Variants in GNL3 observed in about 807,000 individuals in gnomAD.
GNL3 encodes the protein guanine nucleotide-binding protein-like 3.
Under a neutral mutation model 70.6 loss-of-function variants are expected in GNL3, and 77 were observed. The ratio of observed to expected loss-of-function variants is 1.09; its 90% CI spans 0.91 to 1.32. The LOEUF is 1.32. Among genes scored for constraint, GNL3 ranks in the 40% most tolerant of loss-of-function variants. The pLI is 0.00. For synonymous variants in GNL3, 252 were observed against 216.1 expected, an observed-to-expected ratio of 1.17 and a Z score of -1.46; for missense variants, 634 against 644.0, an observed-to-expected ratio of 0.98 and a Z score of 0.17.
chr3:52,688,680 C>T (rs1022067375), intron 5 of GNL3, among the ~76,000 whole-genome samples: 1 of 152,222 alleles, frequency 6.6e-6, no homozygotes, highest in African/African-American at 2.4e-5. Flanking sequence ...TGTAGTTGCT[C>T]TCCAGCACTC....
chr3:52,686,148 G>A, intron 1 of GNL3, 43 bp downstream of exon 1: 2 of 1,593,072 alleles, frequency 1.3e-6, no homozygotes, highest in Non-Finnish European at 1.7e-6. Context: ...CCCACGTCTG[G>A]AAGTTGCTGC....
chr3:52,690,616 A>G lies in GNL3; in HGVS notation c.566A>G (p.Glu189Gly). 1 of 1,608,004 alleles carries G rather than the reference A, an allele frequency of 6.2e-7. No individual in the cohort carries two copies. Among genetic ancestry groups the G allele is most frequent in the Non-Finnish European group, 8.5e-7 (1 of 1,174,414 alleles). The change falls in exon 7 of 15, where the codon GAG becomes GGG. Residue 189 changes from glutamate to glycine, a missense_variant. Physicochemically the swap from Glu to Gly is moderately conservative, Grantham distance 98. Coordinates refer to ENST00000418458, the MANE Select transcript of GNL3 (RefSeq NM_014366.5). ...GATCTGGTACCAAAGGAGAATTTGG[A>G]GAGCTGGCTAAATTATTTGAAGAAA... is the stretch of plus-strand genomic sequence containing the variant. ...KSDLVPKENL[E>G]SWLNYLKKEL...
At position 52,694,217 on chromosome 3, in the gene GNL3, T is replaced by C. The variant is rs2097330472; in HGVS notation, c.1592T>C (p.Ile531Thr). 4 of 1,598,920 alleles carry C rather than the reference T, an allele frequency of 2.5e-6. No homozygotes were observed. The highest frequency in any genetic ancestry group is 3.4e-6 in the Non-Finnish European group (4 of 1,167,084). The change falls in exon 15 of 15, where the codon ATC becomes ACC. Residue 531 changes from isoleucine (I) to threonine (T), a missense_variant. Transcript: ENST00000418458. ...GGTGAACAGTCTACAAGGTCTTTTA[T>C]CTTGGATAAAATCATTGAAGAGGAT... ...TAGEQSTRSF[I>T]LDKIIEEDDA...
At chr3:52,692,569 G>A (rs1054275875) in intron 9 of GNL3, among the ~76,000 whole-genome samples, 9 of 151,796 alleles carry the variant, frequency 5.9e-5, no homozygotes, top group Non-Finnish European at 1.0e-4. Context: ...CACCCACCTC[G>A]GCCTCCCAAA....
rs1561254214 is a variant in GNL3 at position 52,689,223 on chromosome 3, C to T, written c.541+17C>T. 3 of 1,609,310 alleles carry T rather than the reference C, an allele frequency of 1.9e-6. No homozygotes were observed. The highest frequency in any genetic ancestry group is 2.2e-5 in the East Asian group (1 of 44,842). On this transcript the variant is annotated intron_variant, in intron 6 of 14. Transcript: ENST00000418458. ...ATAAATCAGGTGAGTAAAGAGGGTA[C>T]CCTTTGTCTTCTGTGTACATGGGTG...
chr3:52,694,337 C>T lies in GNL3; in HGVS notation c.*62C>T, dbSNP rs1229155838. 4.4e-6 allele frequency: 4 copies of T among 915,626 alleles called. No homozygotes were observed. The Admixed American group carries it at 9.0e-5, about 21-fold the overall frequency. 56.7% of individuals were successfully genotyped at this position (915,626 alleles called of 1,614,324 possible). A position where few individuals can be genotyped will look rare whatever the true frequency, so the allele number is the denominator to read the frequency against. On this transcript the variant is annotated 3_prime_UTR_variant, in exon 15 of 15. Coordinates refer to ENST00000418458, the MANE Select transcript of GNL3 (RefSeq NM_014366.5). ...TTTAAGCAGACTGCTAAACTGTTCT[C>T]TGTATAAGTTATGGTATGCATGAGC...
chr3:52,694,029 TCA>T lies in GNL3; in HGVS notation c.1501-3_1501-2del. The T allele has an allele frequency of 1.2e-6, 2 of 1,611,628 alleles. No homozygotes were observed. Among genetic ancestry groups the T allele is most frequent in the African/African-American group, 1.3e-5 (1 of 75,014 alleles). ...ACTAATCCAGCACTATTTTTCTTTG[TCA>T]CACAGGAAAACAGCTCAGGCATGTT... On this transcript the variant is annotated splice_region_variant and splice_polypyrimidine_tract_variant and intron_variant, in intron 13 of 14. Transcript: ENST00000418458.
At chr3:52,687,124 C>A in intron 2 of GNL3, 122 bp from the exon 3 acceptor site, 2 of 795,566 alleles carry the variant, frequency 2.5e-6, no homozygotes, top group Non-Finnish European at 4.1e-6. Context: ...CCAATTAAAG[C>A]TCCATTTTCC....
At chr3:52,693,570 T>C in intron 12 of GNL3, 26 bp downstream of exon 12, 1 of 1,613,886 alleles carries the variant, frequency 6.2e-7, no homozygotes, top group East Asian at 2.2e-5. Flanking sequence ...CGCTGCTGTC[T>C]TCATCAGCTG....
chr3:52,692,691 G>A, intron 9 of GNL3, 181 bp from the exon 10 acceptor site: 1 of 756,886 alleles, frequency 1.3e-6, no homozygotes, highest in Non-Finnish European at 2.4e-6. Flanking sequence ...ATAACATGTA[G>A]TGTTCTCTTT....
chr3:52,687,115 C>CA lies in GNL3; in HGVS notation c.73-129dup, dbSNP rs1453549919. On this transcript the variant is annotated intron_variant, in intron 2 of 14. Transcript: ENST00000418458. ...ACATATGCATTACTTTGTAAGATTCCAATTAAAGCTCCATTTTCCTAGGAC... is the reference window on the plus strand; with the variant it reads ...ACATATGCATTACTTTGTAAGATTCCAAATTAAAGCTCCATTTTCCTAGGAC... 44 of 750,612 alleles carry CA rather than the reference C, an allele frequency of 5.9e-5. 1 individual carries two copies. In the Admixed American group the frequency reaches 1.2e-3, roughly 21 times the overall value. The allele number at this position is 750,612 out of a possible 1,614,324, so 46.5% of individuals were successfully genotyped here. A position where few individuals can be genotyped will look rare whatever the true frequency, so the allele number is the denominator to read the frequency against.
At chr3:52,687,901 G>C (rs1430313706) in intron 4 of GNL3, 5 of 596,440 alleles carry the variant, frequency 8.4e-6, no homozygotes, top group African/African-American at 5.6e-5. Flanking sequence ...GGTGTGGGCT[G>C]TTGTGCCTGG....
chr3:52,692,597 G>A lies in GNL3; in HGVS notation c.870-275G>A, dbSNP rs185526521. On this transcript the variant is annotated intron_variant, in intron 9 of 14. Transcript: ENST00000418458. ...CTCCCAAAGTGCTGGGATTACAGGC[G>A]TGAGCCACCGCGCCCAGCCAGAAGG... The A allele has an allele frequency of 2.7e-3, 1,203 of 443,556 alleles. 8 individuals are homozygous for A. The highest frequency in any genetic ancestry group is 7.8e-3 in the Middle Eastern group (15 of 1,926). The allele number at this position is 443,556 out of a possible 1,614,324, so 27.5% of individuals were successfully genotyped here. A position where few individuals can be genotyped will look rare whatever the true frequency, so the allele number is the denominator to read the frequency against.
intron 5 of GNL3, 58 bp downstream of exon 5, chr3:52,688,250 A>AT (rs3836492): frequency 6.7e-4 from 589 of 876,618 alleles, no homozygotes; most frequent in South Asian, 1.0e-3. Flanking sequence ...GACTCAAGTC[A>AT]TTTTTTTTTT....
intron 4 of GNL3, chr3:52,687,881 T>G: frequency 1.7e-6 from 1 of 592,114 alleles, no homozygotes; most frequent in Non-Finnish European, 3.0e-6. Context: ...CCGAAGTTTC[T>G]GGTATTACAG....
At position 52,692,882 on chromosome 3, in the gene GNL3, G is replaced by C; in HGVS notation, c.880G>C (p.Val294Leu). The change falls in exon 10 of 15, where the codon GTT becomes CTT. Residue 294 changes from valine to leucine, a missense_variant. Coordinates refer to ENST00000418458, the MANE Select transcript of GNL3 (RefSeq NM_014366.5). ...VSMGLTRSMQ[V>L]VPLDKQITII... ...TCGCTCTTCTTTCAGGAGCATGCAA[G>C]TTGTCCCCTTGGACAAACAGATCAC... 6.2e-7 allele frequency: 1 copy of C among 1,611,758 alleles called. No individual in the cohort carries two copies. Among genetic ancestry groups the C allele is most frequent in the Non-Finnish European group, 8.5e-7 (1 of 1,178,354 alleles).
rs147656173 is a variant in GNL3, at chr3:52,690,984, G to A, written c.694G>A (p.Glu232Lys). The A allele has an allele frequency of 6.0e-4, 967 of 1,613,710 alleles. No individual in the cohort carries two copies. The highest frequency in any genetic ancestry group is 7.8e-4 in the Non-Finnish European group (922 of 1,179,702). The change falls in exon 8 of 15, where the codon GAA (glutamate) becomes AAA (lysine). Residue 232 changes from glutamate to lysine, a missense_variant. Glu to Lys is a moderately conservative substitution (Grantham distance 56). Transcript: ENST00000418458. ...GAAGAATGCTGCTCCATTCAGAAGT[G>A]AAGTCTGCTTTGGGAAAGAGGGCCT... is the stretch of plus-strand genomic sequence containing the variant. ...AKKNAAPFRS[E>K]VCFGKEGLWK... is the part of the protein sequence containing the mutation.
chr3:52,692,513 CA>C (rs1354415549), intron 9 of GNL3, among the ~76,000 whole-genome samples: 1 of 151,500 alleles, frequency 6.6e-6, no homozygotes, highest in Non-Finnish European at 1.5e-5. Context: ...ACAGGGCTTT[CA>C]TCATGTTGGC....
At chr3:52,690,552 C>T (rs762170012) in intron 6 of GNL3, 40 bp from the exon 7 acceptor site, 3 of 1,181,064 alleles carry the variant, frequency 2.5e-6, no homozygotes, top group Non-Finnish European at 2.5e-6. Flanking sequence ...CGTGAGCCAC[C>T]GTGCCTGGCC....
Sources: allele counts gnomAD v4.1 joint callset (sites outside exome capture counted in the v4.1 genomes callset), GRCh38; gene constraint gnomAD v4.1.1; transcripts MANE v1.5; gene names NCBI Gene and HGNC (gene_info 2026-07-23, HGNC 2026-07-21).